The following ODF2 variants were observed in gnomAD, a reference collection of about 807,000 sequenced individuals.
The protein encoded by ODF2 is outer dense fiber of sperm tails 2.
Under a neutral mutation model 110.2 loss-of-function variants are expected in ODF2, and 47 were observed. That is an observed-to-expected ratio of 0.43 (90% CI 0.34 to 0.54). The LOEUF (loss-of-function observed/expected upper bound fraction) is 0.54, where lower values mean the gene tolerates loss of function less well. ODF2 is among the 20% of genes least tolerant of loss of function. The pLI, the probability that ODF2 is intolerant of heterozygous loss-of-function variation, is 0.03. For synonymous variants in ODF2, 352 were observed against 397.7 expected (o/e 0.89, Z 1.37); for missense variants, 812 against 1,054.5 (o/e 0.77, Z 3.19).
At chr9:128,475,474 C>T (rs751061482) in intron 8 of ODF2, among the ~76,000 whole-genome samples, 4 of 152,132 alleles carry the variant, frequency 2.6e-5, no homozygotes, top group Non-Finnish European at 5.9e-5. Flanking sequence ...GTGGTGAAAA[C>T]ACTTAAAATT....
intron 13 of ODF2, among the ~76,000 whole-genome samples, chr9:128,486,535 A>T (rs2132080200): frequency 6.6e-6 from 1 of 152,290 alleles, no homozygotes; most frequent in African/African-American, 2.4e-5. Context: ...GAGAGCACAT[A>T]TTGTGCAAAG....
rs1014473243 is a variant in ODF2 at position 128,456,618 on chromosome 9, T to C, written c.-209+363T>C. 2.6e-6 allele frequency: 4 copies of C among 1,513,262 alleles called. No individual in the cohort carries two copies. The East Asian group carries it at 1.1e-4, about 40-fold the overall frequency. The allele number at this position is 1,513,262 out of a possible 1,614,324, so 93.7% of individuals were successfully genotyped here. ...TCTCTCCGCCGACAGAGGCTCTCCC[T>C]CGCTCTGCTGCCCGTCGGCGGCATC... On this transcript the variant is annotated intron_variant, in intron 1 of 20. Coordinates refer to ENST00000604420, the Ensembl canonical transcript of ODF2.
Position 128,495,722 on chromosome 9 carries a change from G to A in ODF2, c.1912-319G>A, listed in dbSNP as rs531717807. The stretch of plus-strand genomic sequence containing the variant: ...TGGTTTGTATGGGCCAGTTAGCCCT[G>A]CCAGCTGTTTCTGCCTTCTCATGTC... On this transcript the variant is annotated intron_variant, in intron 17 of 20. Transcript: ENST00000604420. 3.9e-5 allele frequency among the ~76,000 whole-genome samples: 6 copies of A among 152,324 alleles called. No individual in the cohort carries two copies. In the South Asian group the frequency reaches 1.2e-3, roughly 32 times the overall value.
rs540551003 is a variant in ODF2 at position 128,475,173 on chromosome 9, G to T, written c.843+1432G>T. On this transcript the variant is annotated intron_variant, in intron 8 of 20. Coordinates refer to ENST00000604420, the Ensembl canonical transcript of ODF2. ...TTACATAGCATTTACCTTGTATGAG[G>T]TATTATAAATAATCTAGAGATGATT... 9.9e-5 allele frequency among the ~76,000 whole-genome samples: 15 copies of T among 152,192 alleles called. No homozygotes were observed. The Middle Eastern group carries it at 0.01, about 104-fold the overall frequency.
chr9:128,494,207 A>G lies in ODF2; in HGVS notation c.1753-303A>G, dbSNP rs926203997. Among the ~76,000 whole-genome samples the G allele has an allele frequency of 1.3e-5, 2 of 152,078 alleles. No homozygotes were observed. Among genetic ancestry groups the G allele is most frequent in the East Asian group, 1.9e-4 (1 of 5,204 alleles). ...TACTTGTATGGGGACAGCATCACCT[A>G]TTTTACAGGTTGTCTGAATTAAATG... is the stretch of plus-strand genomic sequence containing the variant. On this transcript the variant is annotated intron_variant, in intron 16 of 20. Coordinates refer to ENST00000604420, the Ensembl canonical transcript of ODF2. This position sits in a 1 kb window ranked among gnomAD's most constrained non-coding sequence, Gnocchi z 4.6.
chr9:128,459,757 G>A, intron 3 of ODF2, 100 bp downstream of exon 2: 2 of 801,508 alleles, frequency 2.5e-6, no homozygotes, highest in South Asian at 1.6e-5. Flanking sequence ...GGGCACCATC[G>A]CCGCCCAGTT....
chr9:128,456,834 C>G (rs1834976150), intron 1 of ODF2: 1 of 1,296,506 alleles, frequency 7.7e-7, no homozygotes, highest in Middle Eastern at 2.9e-4. Flanking sequence ...TCCCTCGCGG[C>G]GGGGCGCCCG....
At chr9:128,497,422 C>A (rs1191640359) in intron 18 of ODF2, 13 of 6,050 alleles carry the variant, frequency 2.1e-3, no homozygotes, top group African/African-American at 2.0e-3. Flanking sequence ...CCCGTCTCTA[C>A]TAAAAAAAAA....
In ODF2 at chr9:128,493,904, C is replaced by T. The variant is rs535554987; in HGVS notation, c.1753-606C>T. ...CCACCTCCCGGGTTCAAGTGATTCT[C>T]CTGCCTCAGCGTCCCAAGTAGCTGG... On this transcript the variant is annotated intron_variant, in intron 16 of 20. Coordinates refer to ENST00000604420, the Ensembl canonical transcript of ODF2. Among the ~76,000 whole-genome samples the T allele has an allele frequency of 5.9e-5, 9 of 152,324 alleles. No individual in the cohort carries two copies. In the South Asian group the frequency reaches 1.0e-3, roughly 18 times the overall value.
At chr9:128,483,670 A>G (rs1290307403) in intron 10 of ODF2, among the ~76,000 whole-genome samples, 1 of 151,814 alleles carries the variant, frequency 6.6e-6, no homozygotes, top group African/African-American at 2.4e-5. Flanking sequence ...GGATCACTTG[A>G]GGTCAGGAGA....
At chr9:128,459,628 C>A (rs780614239) in exon 3 of ODF2, 6 of 1,613,816 alleles carry the variant, frequency 3.7e-6, no homozygotes, top group Non-Finnish European at 5.1e-6. Flanking sequence ...CTTGAGAGCA[C>A]CTTGTGGCGC....
intron 2 of ODF2, among the ~76,000 whole-genome samples, chr9:128,458,110 C>T (rs1488467606): frequency 8.5e-6 from 1 of 118,262 alleles, no homozygotes; most frequent in African/African-American, 3.3e-5. Context: ...TGTCTCTGCC[C>T]CACCCTCCCT....
rs142707562 is a variant in ODF2 at position 128,482,879 on chromosome 9, T to C, written c.979T>C (p.Cys327Arg). Reference sequence around the variant, plus strand: ...GGAAGAGCTCCTTCAGGAAATACAATGTGAGAAGGTAGTGTGCTTTTTTTT... The same window carrying C: ...GGAAGAGCTCCTTCAGGAAATACAACGTGAGAAGGTAGTGTGCTTTTTTTT... Residue 327 changes from cysteine to arginine, a missense_variant, in exon 10 of 21, where the codon TGT (cysteine) becomes CGT (arginine). Coordinates refer to ENST00000604420, the Ensembl canonical transcript of ODF2. The C allele has an allele frequency of 3.3e-5, 53 of 1,586,402 alleles. 1 individual carries two copies. Among genetic ancestry groups the C allele is most frequent in the Admixed American group, 3.3e-4 (19 of 57,956 alleles).
At chr9:128,457,284 C>G in exon 2 of ODF2, 1 of 1,604,370 alleles carries the variant, frequency 6.2e-7, no homozygotes, top group Non-Finnish European at 8.5e-7. Context: ...CCCTTCTCCC[C>G]TCAGAGAGGA....
intron 4 of ODF2, among the ~76,000 whole-genome samples, chr9:128,462,661 G>A (rs1363193755): frequency 6.6e-6 from 1 of 151,222 alleles, no homozygotes; most frequent in East Asian, 1.9e-4. Context: ...GTGCAGTGGT[G>A]CAATCTCGGC....
chr9:128,495,979 G>A, intron 17 of ODF2, 62 bp from the exon 18 acceptor site: 1 of 1,596,640 alleles, frequency 6.3e-7, no homozygotes. Context: ...AGGTCATAGG[G>A]AAAGGGGAGG....
chr9:128,484,655 C>T, intron 11 of ODF2, 46 bp from the exon 12 acceptor site: 1 of 1,545,934 alleles, frequency 6.5e-7, no homozygotes. Context: ...CCCACAACCT[C>T]CTTGTCTCTC....
chr9:128,472,693 A>AT (rs1840326255), intron 6 of ODF2, among the ~76,000 whole-genome samples: 1 of 152,198 alleles, frequency 6.6e-6, no homozygotes, highest in South Asian at 2.1e-4. Flanking sequence ...CAGGTAGCTA[A>AT]TGTCTCCTGG....
rs1468285078 is a variant in ODF2 at position 128,469,303 on chromosome 9, G to T, written c.370G>T (p.Asp124Tyr). 3.7e-6 allele frequency: 6 copies of T among 1,614,162 alleles called. No homozygotes were observed. The highest frequency in any genetic ancestry group is 5.1e-6 in the Non-Finnish European group (6 of 1,180,000). The change falls in exon 5 of 21, where the codon GAT becomes TAT. Residue 124 changes from aspartate to tyrosine, a missense_variant. Around this residue, in one of 5 missense-constraint regions of ODF2, gnomAD observed 219 missense variants for 321.3 expected, o/e 0.68. Transcript: ENST00000604420. ...AGGTCACTGTAAAATGAACCGTTAT[G>T]ATAAGAAGATTGATAGTCTAATGAA...
Sources: gnomAD v4.1 joint callset for allele counts (sites outside exome capture counted in the v4.1 genomes callset) on GRCh38, gnomAD v4.1.1 for gene constraint, gnomAD v4.1.1 regional missense constraint, Gnocchi (gnomAD v3.1) non-coding constraint, MANE v1.5 for transcripts, NCBI Gene and HGNC (gene_info 2026-07-23, HGNC 2026-07-21) for gene names.